The following PPDPFL variants were observed in gnomAD, a reference collection of about 807,000 sequenced individuals.
PPDPFL encodes the protein pancreatic progenitor cell differentiation and proliferation factor-like protein.
A neutral mutation model predicts 12.6 loss-of-function variants in PPDPFL; 12 were observed. That is an observed-to-expected ratio of 0.95 (90% confidence interval 0.61 to 1.54). The LOEUF (loss-of-function observed/expected upper bound fraction) is 1.54. Among genes scored for constraint, PPDPFL ranks in the 40% most tolerant of loss-of-function variants. PPDPFL has a pLI of 0.00. For synonymous variants in PPDPFL, 24 were observed against 32.7 expected (o/e 0.73, Z 0.91); for missense variants, 114 against 96.0 (o/e 1.19, Z -0.78).
At chr8:49,055,102 G>A (rs1808092295) in intron 1 of PPDPFL, among the ~76,000 whole-genome samples, 1 of 152,166 alleles carries the variant, frequency 6.6e-6, no homozygotes, top group Non-Finnish European at 1.5e-5. Context: ...TCTACTTAGA[G>A]AATGGCACTA....
upstream of PPDPFL, among the ~76,000 whole-genome samples, chr8:49,070,832 C>CA (rs1241392821): frequency 6.6e-6 from 1 of 152,166 alleles, no homozygotes; most frequent in Admixed American, 6.5e-5. Context: ...CAAATTAACA[C>CA]AGCCATATCA....
Position 49,075,428 on chromosome 8 carries a change from A to G in PPDPFL, c.*255A>G, listed in dbSNP as rs1021478316. The G allele has an allele frequency of 1.6e-5, 11 of 708,820 alleles. No homozygotes were observed. Among genetic ancestry groups the G allele is most frequent in the Non-Finnish European group, 2.7e-5 (11 of 410,982 alleles). 43.9% of individuals were successfully genotyped at this position (708,820 alleles called of 1,614,324 possible). A position where few individuals can be genotyped will look rare whatever the true frequency, so the allele number is the denominator to read the frequency against. On this transcript the variant is annotated 3_prime_UTR_variant, in exon 5 of 5. Transcript: ENST00000522267. ...TAAAAAAAGTTTAGGCATTTTTCTCAACACAAAGACTATCGCTGGAAGTGG... is the reference window on the plus strand; with the variant it reads ...TAAAAAAAGTTTAGGCATTTTTCTCGACACAAAGACTATCGCTGGAAGTGG...
intron 1 of PPDPFL, among the ~76,000 whole-genome samples, chr8:49,056,937 C>A (rs2129243282): frequency 6.6e-6 from 1 of 152,262 alleles, no homozygotes; most frequent in South Asian, 2.1e-4. Flanking sequence ...AAATTTTTCA[C>A]CCTAGTGTGT....
intron 4 of PPDPFL, 163 bp downstream of exon 4, chr8:49,074,496 C>G: frequency 1.3e-6 from 2 of 1,538,682 alleles, no homozygotes; most frequent in Non-Finnish European, 1.7e-6. Flanking sequence ...ACTAACAGAG[C>G]TCCCTCCTTG....
intron 2 of PPDPFL, among the ~76,000 whole-genome samples, chr8:49,073,586 T>C (rs1808431919): frequency 6.6e-6 from 1 of 152,230 alleles, no homozygotes; most frequent in African/African-American, 2.4e-5. Context: ...GTTACTTTTA[T>C]ATTCTGATCT....
At position 49,076,056 on chromosome 8, in the gene PPDPFL, C is replaced by A. The variant is rs571029486; in HGVS notation, c.*883C>A. 1 of 151,842 alleles carries A rather than the reference C, an allele frequency of 6.6e-6. No individual in the cohort carries two copies. The highest frequency in any genetic ancestry group is 2.1e-4 in the South Asian group (1 of 4,810). 9.4% of individuals were successfully genotyped at this position (151,842 alleles called of 1,614,324 possible). On this transcript the variant is annotated 3_prime_UTR_variant, in exon 5 of 5. Coordinates refer to ENST00000522267, the MANE Select transcript of PPDPFL (RefSeq NM_001256597.2). ...TTTTTCTAATATGACAAGTATTGTGCGTAATTAGAAAATAATAAATGTTAA... is the reference window on the plus strand; with the variant it reads ...TTTTTCTAATATGACAAGTATTGTGAGTAATTAGAAAATAATAAATGTTAA...
intron 1 of PPDPFL, among the ~76,000 whole-genome samples, chr8:49,054,628 G>A (rs1278837192): frequency 6.6e-6 from 1 of 152,010 alleles, no homozygotes; most frequent in Admixed American, 6.6e-5. Context: ...GTTCAAGGGT[G>A]AACTATATGT....
chr8:49,071,673 A>G (rs770508858), upstream of PPDPFL, among the ~76,000 whole-genome samples: 5 of 152,078 alleles, frequency 3.3e-5, no homozygotes, highest in African/African-American at 1.2e-4. Context: ...GAAAAAAAAA[A>G]GGGCAAAGCA....
chr8:49,074,616 A>G, intron 4 of PPDPFL: 2 of 1,535,630 alleles, frequency 1.3e-6, no homozygotes, highest in Non-Finnish European at 1.7e-6. Context: ...TGGACTGAGA[A>G]TCAGAGGAAA....
chr8:49,074,194 A>G (rs932079822), intron 3 of PPDPFL, 40 bp from the exon 4 acceptor site: 6 of 1,605,412 alleles, frequency 3.7e-6, no homozygotes, highest in Non-Finnish European at 5.1e-6. Flanking sequence ...TTCAATCTCA[A>G]ATTTGTTTGA....
At chr8:49,074,517 T>A (rs1040607724) in intron 4 of PPDPFL, 184 bp downstream of exon 4, 1 of 1,537,396 alleles carries the variant, frequency 6.5e-7, no homozygotes, top group African/African-American at 1.4e-5. Context: ...CAGGTCGCTG[T>A]CAGGAAGATC....
chr8:49,073,543 C>T (rs1466792174), intron 2 of PPDPFL, among the ~76,000 whole-genome samples: 4 of 152,240 alleles, frequency 2.6e-5, no homozygotes, highest in East Asian at 1.9e-4. Context: ...CAAAAGTTTA[C>T]GCTCATTTAC....
At chr8:49,071,207 C>G (rs1383640647), upstream of PPDPFL, among the ~76,000 whole-genome samples, 1 of 152,166 alleles carries the variant, frequency 6.6e-6, no homozygotes, top group Non-Finnish European at 1.5e-5. Flanking sequence ...GAAAACCTAG[C>G]TGACATGAAT....
chr8:49,057,981 T>C (rs1563297134), intron 1 of PPDPFL, among the ~76,000 whole-genome samples: 1 of 152,162 alleles, frequency 6.6e-6, no homozygotes. Flanking sequence ...ACTATTATTA[T>C]AAGAAAAAAT....
At chr8:49,069,685 T>C (rs985682846), upstream of PPDPFL, among the ~76,000 whole-genome samples, 4 of 152,140 alleles carry the variant, frequency 2.6e-5, no homozygotes, top group East Asian at 1.9e-4. Flanking sequence ...GCCTGTAATC[T>C]CAGCACTTTG....
intron 1 of PPDPFL, among the ~76,000 whole-genome samples, chr8:49,057,660 G>A (rs903928806): frequency 6.6e-6 from 1 of 152,072 alleles, no homozygotes; most frequent in Admixed American, 6.6e-5. Context: ...CTGCTACAAA[G>A]TCAAACTGTA....
chr8:49,059,199 G>T (rs1808157142), intron 1 of PPDPFL, among the ~76,000 whole-genome samples: 1 of 152,040 alleles, frequency 6.6e-6, no homozygotes, highest in Non-Finnish European at 1.5e-5. Flanking sequence ...CCAGACCCAG[G>T]TCTATATATA....
At chr8:49,074,590 A>C in intron 4 of PPDPFL, 1 of 1,536,128 alleles carries the variant, frequency 6.5e-7, no homozygotes, top group African/African-American at 1.4e-5. Context: ...AAACTGTGTC[A>C]TTGTTTGGCG....
chr8:49,056,770 C>T (rs1406884013), intron 1 of PPDPFL, among the ~76,000 whole-genome samples: 1 of 152,168 alleles, frequency 6.6e-6, no homozygotes, highest in Admixed American at 6.5e-5. Context: ...TCATTTCAAT[C>T]CCTAACTTTC....
Sources: gnomAD v4.1 joint callset for allele counts (sites outside exome capture counted in the v4.1 genomes callset) on GRCh38, gnomAD v4.1.1 for gene constraint, MANE v1.5 for transcripts, NCBI Gene and HGNC (gene_info 2026-07-23, HGNC 2026-07-21) for gene names.